FBLN2: variants seen among roughly 807,000 people sequenced by gnomAD.
The protein encoded by FBLN2 is fibulin 2.
A neutral mutation model predicts 123.7 loss-of-function variants in FBLN2; 81 were observed. That is an observed-to-expected ratio of 0.65 (90% CI 0.55 to 0.79). The LOEUF (loss-of-function observed/expected upper bound fraction) is 0.79, where lower values mean the gene tolerates loss of function less well. Among genes scored for constraint, FBLN2 ranks in the 30% least tolerant of loss-of-function variants. The pLI is 0.00. For missense variants in FBLN2, 1,603 were observed against 1,681.3 expected (o/e 0.95, Z 0.81); for synonymous variants, 699 against 701.4 (o/e 1.00, Z 0.05).
At chr3:13,588,954 A>G (rs537175909) in intron 2 of FBLN2, among the ~76,000 whole-genome samples, 1 of 152,344 alleles carries the variant, frequency 6.6e-6, no homozygotes, top group South Asian at 2.1e-4. Flanking sequence ...TCATTCTAAG[A>G]ATCAGAATTA....
intron 2 of FBLN2, among the ~76,000 whole-genome samples, chr3:13,595,885 A>G (rs1487807043): frequency 6.6e-6 from 1 of 152,188 alleles, no homozygotes; most frequent in Non-Finnish European, 1.5e-5. Context: ...GTAAACAGTC[A>G]GTTTCCTTCC....
chr3:13,567,339 C>T (rs537343783), intron 1 of FBLN2, among the ~76,000 whole-genome samples: 1 of 152,242 alleles, frequency 6.6e-6, no homozygotes, highest in Non-Finnish European at 1.5e-5. Context: ...GGGCAGGGAG[C>T]TTGGGTCTCA....
chr3:13,623,586 C>T (rs950124414), intron 9 of FBLN2, among the ~76,000 whole-genome samples: 3 of 152,176 alleles, frequency 2.0e-5, no homozygotes, highest in Non-Finnish European at 4.4e-5. Context: ...ACTGGGCTCT[C>T]CTGCAGTTCA....
chr3:13,638,006 T>C lies in FBLN2; in HGVS notation c.*87T>C. ...ACTGGGTCACTATTGTGGTTTTTAC[T>C]ATAACTTTGTAAATTAACTTAATTT... On this transcript the variant is annotated 3_prime_UTR_variant, in exon 18 of 18. Coordinates refer to ENST00000404922, the MANE Select transcript of FBLN2 (RefSeq NM_001004019.2). 1 of 1,225,102 alleles carries C rather than the reference T, an allele frequency of 8.2e-7. No individual in the cohort carries two copies. Among genetic ancestry groups the C allele is most frequent in the Non-Finnish European group, 1.1e-6 (1 of 870,316 alleles). The allele number at this position is 1,225,102 out of a possible 1,614,324, so 75.9% of individuals were successfully genotyped here. A position where few individuals can be genotyped will look rare whatever the true frequency, so the allele number is the denominator to read the frequency against.
Position 13,570,757 on chromosome 3 carries a change from C to T in FBLN2, c.402C>T (p.Cys134=), listed in dbSNP as rs746864726. Residue 134 remains cysteine (C), a synonymous_variant, in exon 2 of 18, where the codon TGC becomes TGT. Transcript: ENST00000404922. ...TGGTGGCTGACAGCTGCCCACAGTG[C>T]GGCCAGGTGGGCTGCGTCCACGCGG... The part of the protein sequence containing the change: ...AVVVADSCPQ[C]GQVGCVHAGH... 4.6e-5 allele frequency: 74 copies of T among 1,601,150 alleles called. No homozygotes were observed. The highest frequency in any genetic ancestry group is 3.5e-4 in the South Asian group (31 of 89,712).
In FBLN2 at chr3:13,549,186, G is replaced by A. The variant is rs1307850225; in HGVS notation, c.-64G>A. 2.0e-6 allele frequency: 2 copies of A among 983,186 alleles called. No homozygotes were observed. The highest frequency in any genetic ancestry group is 1.2e-4 in the Admixed American group (2 of 16,072). 60.9% of individuals were successfully genotyped at this position (983,186 alleles called of 1,614,324 possible). On this transcript the variant is annotated 5_prime_UTR_variant, in exon 1 of 18. Coordinates refer to ENST00000404922, the MANE Select transcript of FBLN2 (RefSeq NM_001004019.2). ...CGACGGCCGGGCGGACGGACGGACG[G>A]ACGCCGAGCGCAGTGCCCCGCGGTG...
chr3:13,581,798 G>C (rs1704341242), intron 2 of FBLN2, among the ~76,000 whole-genome samples: 1 of 152,188 alleles, frequency 6.6e-6, no homozygotes, highest in Non-Finnish European at 1.5e-5. Flanking sequence ...CTACAGCAAA[G>C]GGATTACGAG....
At chr3:13,614,635 TATCCATCCATCC>T (rs375890094) in intron 5 of FBLN2, among the ~76,000 whole-genome samples, 55 of 131,912 alleles carry the variant, frequency 4.2e-4, no homozygotes, top group African/African-American at 1.4e-3. Flanking sequence ...CCCACCCAAT[TATCCATCCATCC>T]ATCCATCCAT....
At chr3:13,630,890 C>A in intron 15 of FBLN2, 75 bp downstream of exon 15, 1 of 1,148,196 alleles carries the variant, frequency 8.7e-7, no homozygotes, top group South Asian at 1.4e-5. Context: ...CCGAGAGTCC[C>A]TGCTGGGCCA....
Position 13,571,537 on chromosome 3 carries a change from T to C in FBLN2, c.1182T>C (p.Pro394=). 1 of 1,613,582 alleles carries C rather than the reference T, an allele frequency of 6.2e-7. No individual in the cohort carries two copies. Among genetic ancestry groups the C allele is most frequent in the Non-Finnish European group, 8.5e-7 (1 of 1,179,814 alleles). ...ACAACATCCTGTCCACATCACTGCC[T>C]GATGCAGCCTGGATCCCACCCACCC... ...SPHNILSTSL[P]DAAWIPPTRE... is the part of the protein sequence containing the mutation. The change falls in exon 2 of 18, where the codon CCT becomes CCC. Residue 394 remains proline, a synonymous_variant. Coordinates refer to ENST00000404922, the MANE Select transcript of FBLN2 (RefSeq NM_001004019.2).
At chr3:13,632,231 C>T (rs1394038658) in intron 16 of FBLN2, among the ~76,000 whole-genome samples, 1 of 152,238 alleles carries the variant, frequency 6.6e-6, no homozygotes, top group African/African-American at 2.4e-5. Flanking sequence ...GAGAACCAAC[C>T]ACTCAGCCCC....
intron 1 of FBLN2, among the ~76,000 whole-genome samples, chr3:13,561,576 C>T (rs771376993): frequency 1.3e-5 from 2 of 152,178 alleles, no homozygotes; most frequent in African/African-American, 2.4e-5. Context: ...GATACCATTC[C>T]CCAGATCTTT....
chr3:13,557,633 C>T (rs1196024304), intron 1 of FBLN2, among the ~76,000 whole-genome samples: 1 of 152,250 alleles, frequency 6.6e-6, no homozygotes. Context: ...GCAGCCTCCT[C>T]CCAGGAGCAT....
In FBLN2 at chr3:13,638,349, A is replaced by T; in HGVS notation, c.*430A>T. On this transcript the variant is annotated 3_prime_UTR_variant, in exon 18 of 18. Coordinates refer to ENST00000404922, the MANE Select transcript of FBLN2 (RefSeq NM_001004019.2). ...TTTAACTATAAAGTAGTACATGTAC[A>T]TTATATAAAAAAAAGTTCAACTAGT... 1 of 361,680 alleles carries T rather than the reference A, an allele frequency of 2.8e-6. No homozygotes were observed. The highest frequency in any genetic ancestry group is 5.0e-6 in the Non-Finnish European group (1 of 198,142). The allele number at this position is 361,680 out of a possible 1,614,324, so 22.4% of individuals were successfully genotyped here.
chr3:13,607,942 C>T (rs1705261829), intron 2 of FBLN2, 120 bp from the exon 3 acceptor site: 1 of 693,610 alleles, frequency 1.4e-6, no homozygotes. Flanking sequence ...GACCAGCATG[C>T]ACAGCAGCAG....
At chr3:13,592,829 A>G (rs1704719053) in intron 2 of FBLN2, among the ~76,000 whole-genome samples, 1 of 152,162 alleles carries the variant, frequency 6.6e-6, no homozygotes, top group African/African-American at 2.4e-5. Flanking sequence ...TATTTAGCTC[A>G]TTCTGTGAGT....
chr3:13,607,479 A>G (rs183882713), intron 2 of FBLN2, among the ~76,000 whole-genome samples: 1 of 152,248 alleles, frequency 6.6e-6, no homozygotes, highest in East Asian at 1.9e-4. Flanking sequence ...GGGGTTGCAG[A>G]GGTGGAAGAA....
At chr3:13,601,242 A>G (rs987965013) in intron 2 of FBLN2, among the ~76,000 whole-genome samples, 5 of 152,240 alleles carry the variant, frequency 3.3e-5, no homozygotes, top group African/African-American at 1.2e-4. Flanking sequence ...TAATCTCTGT[A>G]AGGCAATCTT....
intron 1 of FBLN2, chr3:13,568,978 G>T (rs1703833464): frequency 2.0e-6 from 2 of 985,714 alleles, no homozygotes; most frequent in African/African-American, 3.5e-5. Context: ...AACGAGTCCT[G>T]CTGTCCCTCT....
Sources: allele counts gnomAD v4.1 joint callset (sites outside exome capture counted in the v4.1 genomes callset), GRCh38; gene constraint gnomAD v4.1.1; transcripts MANE v1.5; gene names NCBI Gene and HGNC (gene_info 2026-07-23, HGNC 2026-07-21).